The following WWOX variants were observed in gnomAD, a reference collection of about 807,000 sequenced individuals.
WWOX encodes WW domain containing oxidoreductase.
Under a neutral mutation model 46.2 loss-of-function variants are expected in WWOX, and 69 were observed. That is an observed-to-expected ratio of 1.49 (90% CI 1.23 to 1.82). The LOEUF (loss-of-function observed/expected upper bound fraction) is 1.82. Among genes scored for constraint, WWOX ranks in the 40% most tolerant of loss-of-function variants. The probability of loss-of-function intolerance (pLI) is 0.00; values close to 1 mark genes in which losing one functional copy is unlikely to be tolerated. For synonymous variants in WWOX, 359 were observed against 202.6 expected, an observed-to-expected ratio of 1.77 and a Z score of -6.56; for missense variants, 919 against 542.6, an observed-to-expected ratio of 1.69 and a Z score of -6.89.
At chr16:78,389,582 G>A (rs77318436) in intron 6 of WWOX, among the ~76,000 whole-genome samples, 13,341 of 152,180 alleles carry the variant, frequency 0.088, 1,578 homozygotes, top group African/African-American at 0.27. Flanking sequence ...TCTCAAAGCA[G>A]TCCTTGGGAG....
chr16:78,260,684 A>G (rs1414834859), intron 5 of WWOX, among the ~76,000 whole-genome samples: 1 of 150,126 alleles, frequency 6.7e-6, no homozygotes, highest in Admixed American at 6.6e-5. Flanking sequence ...AAAATTAGTT[A>G]TCTCTGCCCT....
chr16:78,970,421 T>G (rs1448179444), intron 8 of WWOX, among the ~76,000 whole-genome samples: 3 of 152,188 alleles, frequency 2.0e-5, no homozygotes, highest in African/African-American at 7.2e-5. Flanking sequence ...AGCACAGCAG[T>G]GACAAAGGTG....
At chr16:79,069,455 G>C (rs1030304945) in intron 8 of WWOX, among the ~76,000 whole-genome samples, 1 of 151,802 alleles carries the variant, frequency 6.6e-6, no homozygotes, top group Admixed American at 6.6e-5. Flanking sequence ...TTGTTCACAC[G>C]TTACTGTAGT....
intron 8 of WWOX, among the ~76,000 whole-genome samples, chr16:78,621,590 A>ATTTTT (rs1567442936): frequency 1.6e-4 from 7 of 43,000 alleles, no homozygotes; most frequent in South Asian, 5.3e-4. Context: ...TGTTGTTCTA[A>ATTTTT]TCTTTTTTTT....
chr16:78,390,870 A>C (rs1233902244), intron 6 of WWOX, among the ~76,000 whole-genome samples: 5 of 152,200 alleles, frequency 3.3e-5, no homozygotes, highest in Non-Finnish European at 7.3e-5. Context: ...GAGAGGAAAA[A>C]ATCCCTTAAA....
chr16:78,885,516 C>T (rs1187400075), intron 8 of WWOX, among the ~76,000 whole-genome samples: 1 of 152,094 alleles, frequency 6.6e-6, no homozygotes, highest in Non-Finnish European at 1.5e-5. Context: ...CACAGTTTTC[C>T]CAGTGAAACT....
intron 5 of WWOX, among the ~76,000 whole-genome samples, chr16:78,273,214 T>C (rs1024411888): frequency 6.6e-6 from 1 of 152,136 alleles, no homozygotes; most frequent in Admixed American, 6.5e-5. Flanking sequence ...TAGAAGACCT[T>C]TAATGATATC....
intron 5 of WWOX, among the ~76,000 whole-genome samples, chr16:78,180,703 C>G (rs560099180): frequency 3.0e-4 from 46 of 151,870 alleles, no homozygotes; most frequent in Middle Eastern, 3.4e-3. Flanking sequence ...GTGGGTAAAT[C>G]CAGCTCCATC....
chr16:79,112,488 C>T (rs1056199319), intron 8 of WWOX, among the ~76,000 whole-genome samples: 2 of 152,142 alleles, frequency 1.3e-5, no homozygotes, highest in African/African-American at 4.8e-5. Flanking sequence ...TTTGACCCTT[C>T]TCCTTCCCCC....
At chr16:78,625,707 T>C (rs1036737614) in intron 8 of WWOX, among the ~76,000 whole-genome samples, 1 of 150,534 alleles carries the variant, frequency 6.6e-6, no homozygotes, top group Non-Finnish European at 1.5e-5. Flanking sequence ...AAATGTGTTT[T>C]TTGCTATTAA....
chr16:78,832,078 G>A (rs927627148), intron 8 of WWOX, among the ~76,000 whole-genome samples: 4 of 152,182 alleles, frequency 2.6e-5, no homozygotes, highest in African/African-American at 9.7e-5. Context: ...GTCTTTGTGG[G>A]TCAGGAATTA....
chr16:79,127,360 C>T (rs370822184), intron 8 of WWOX, among the ~76,000 whole-genome samples: 1 of 152,140 alleles, frequency 6.6e-6, no homozygotes, highest in African/African-American at 2.4e-5. Context: ...TCTGCCCTCC[C>T]CTTCACTTTG....
Position 79,066,897 on chromosome 16 carries a change from G to C in WWOX, c.1057-144711G>C, listed in dbSNP as rs77682042. ...TCCAGACTACAGTAGCAGCTGAAAAGGTAGCTACCATTGCAGTCGAAGACA... is the reference window on the plus strand; with the variant it reads ...TCCAGACTACAGTAGCAGCTGAAAACGTAGCTACCATTGCAGTCGAAGACA... On this transcript the variant is annotated intron_variant, in intron 8 of 8. Coordinates refer to ENST00000566780, the MANE Select transcript of WWOX (RefSeq NM_016373.4). Among the ~76,000 whole-genome samples, 481 of 152,288 alleles carry C rather than the reference G, an allele frequency of 3.2e-3. 4 individuals are homozygous for C. Among genetic ancestry groups the C allele is most frequent in the Non-Finnish European group, 5.0e-3 (337 of 68,014 alleles).
At chr16:78,620,675 G>C (rs1440129655) in intron 8 of WWOX, among the ~76,000 whole-genome samples, 1 of 144,482 alleles carries the variant, frequency 6.9e-6, no homozygotes, top group Non-Finnish European at 1.5e-5. Flanking sequence ...CACAAGAATT[G>C]ATTTTCAGGA....
chr16:78,437,239 G>A (rs2083354587), intron 8 of WWOX, among the ~76,000 whole-genome samples: 1 of 152,092 alleles, frequency 6.6e-6, no homozygotes, highest in African/African-American at 2.4e-5. Context: ...TATTTGCTGT[G>A]ACTTGCTGTG....
intron 8 of WWOX, among the ~76,000 whole-genome samples, chr16:78,736,039 A>G (rs536886354): frequency 6.6e-6 from 1 of 152,178 alleles, no homozygotes; most frequent in South Asian, 2.1e-4. Context: ...AGTGGTGCAG[A>G]CTAGAGATGA....
intron 8 of WWOX, among the ~76,000 whole-genome samples, chr16:79,009,241 C>T (rs1597270113): frequency 6.6e-6 from 1 of 152,164 alleles, no homozygotes; most frequent in South Asian, 2.1e-4. Context: ...GTGTTACAAA[C>T]GGTTTGGGCA....
At chr16:78,923,502 G>C (rs781381197) in intron 8 of WWOX, among the ~76,000 whole-genome samples, 8 of 152,118 alleles carry the variant, frequency 5.3e-5, no homozygotes, top group Non-Finnish European at 1.2e-4. Context: ...TTGGGAGTCA[G>C]AATATCAACT....
intron 8 of WWOX, chr16:78,872,758 C>G (rs1188668133): frequency 1.3e-5 from 2 of 152,170 alleles, no homozygotes; most frequent in Non-Finnish European, 2.9e-5. Flanking sequence ...GTTTTTGAAG[C>G]ATCAACACTT....
Sources: allele counts gnomAD v4.1 joint callset (sites outside exome capture counted in the v4.1 genomes callset), GRCh38; gene constraint gnomAD v4.1.1; transcripts MANE v1.5; gene names NCBI Gene and HGNC (gene_info 2026-07-23, HGNC 2026-07-21).